Variants in DNAL1 observed in about 807,000 individuals in gnomAD.
DNAL1 encodes the protein chromosome 14 open reading frame 168.
Under a neutral mutation model 29.4 loss-of-function variants are expected in DNAL1, and 17 were observed. The ratio of observed to expected loss-of-function variants is 0.58; its 90% CI spans 0.40 to 0.87. The LOEUF (loss-of-function observed/expected upper bound fraction) is 0.87. Among genes scored for constraint, DNAL1 ranks in the 40% least tolerant of loss-of-function variants. The pLI, the probability that DNAL1 is intolerant of heterozygous loss-of-function variation, is 0.00. For synonymous variants in DNAL1, 78 were observed against 76.3 expected (o/e 1.02, Z -0.12); for missense variants, 188 against 214.1 (o/e 0.88, Z 0.76).
intron 7 of DNAL1, among the ~76,000 whole-genome samples, chr14:73,695,047 GCTT>G (rs1892270439): frequency 1.0e-5 from 1 of 96,694 alleles, no homozygotes; most frequent in East Asian, 2.3e-4. Context: ...GTACTTGTTG[GCTT>G]TTTTTTTTTT....
chr14:73,684,623 A>G (rs1337240177), intron 5 of DNAL1, among the ~76,000 whole-genome samples: 2 of 152,176 alleles, frequency 1.3e-5, no homozygotes, highest in African/African-American at 4.8e-5. Context: ...TCAGCTGGGC[A>G]TGGTGGCTCA....
intron 5 of DNAL1, among the ~76,000 whole-genome samples, chr14:73,679,580 G>C (rs116369086): frequency 6.6e-6 from 1 of 152,250 alleles, no homozygotes; most frequent in African/African-American, 2.4e-5. Context: ...AGTCATGTTA[G>C]TCAGACCCTG....
intron 7 of DNAL1, among the ~76,000 whole-genome samples, chr14:73,692,989 C>T (rs748462073): frequency 1.3e-5 from 2 of 152,202 alleles, no homozygotes; most frequent in African/African-American, 2.4e-5. Flanking sequence ...GCGTCCGCCA[C>T]CACGCCTGGC....
At position 73,661,919 on chromosome 14, in the gene DNAL1, G is replaced by A. The variant is rs1224491615; in HGVS notation, c.153-68G>A. ...AATATTATCTTTTATGGGCACTAGT[G>A]TTAAGGAATAATTTCTGATTTACCA... On this transcript the variant is annotated intron_variant, in intron 3 of 7. Transcript: ENST00000553645. The A allele has an allele frequency of 6.6e-6, 7 of 1,063,230 alleles. No individual in the cohort carries two copies. In the East Asian group the frequency reaches 1.8e-4, roughly 28 times the overall value. 65.9% of individuals were successfully genotyped at this position (1,063,230 alleles called of 1,614,324 possible).
At chr14:73,689,764 G>A (rs1469271779) in intron 7 of DNAL1, among the ~76,000 whole-genome samples, 2 of 151,990 alleles carry the variant, frequency 1.3e-5, no homozygotes, top group African/African-American at 4.8e-5. Context: ...GCCGGGCATG[G>A]GTGGCTCACG....
intron 5 of DNAL1, among the ~76,000 whole-genome samples, chr14:73,680,839 G>T (rs1182542902): frequency 6.6e-6 from 1 of 152,172 alleles, no homozygotes; most frequent in African/African-American, 2.4e-5. Flanking sequence ...ATTGCTCCTA[G>T]GCGACAAACC....
intron 5 of DNAL1, among the ~76,000 whole-genome samples, chr14:73,673,705 A>G (rs1004379536): frequency 3.3e-5 from 5 of 152,070 alleles, no homozygotes; most frequent in Admixed American, 2.6e-4. Context: ...CCTGGGCAAC[A>G]TAGCAAGACT....
At chr14:73,677,809 G>A (rs12434143) in intron 5 of DNAL1, among the ~76,000 whole-genome samples, 33,662 of 149,634 alleles carry the variant, frequency 0.22, 4,908 homozygotes, top group Non-Finnish European at 0.33. Context: ...CGCCCACCTT[G>A]GCCTCCCAAA....
At chr14:73,690,556 G>A (rs937909018) in intron 7 of DNAL1, among the ~76,000 whole-genome samples, 1 of 151,930 alleles carries the variant, frequency 6.6e-6, no homozygotes, top group Non-Finnish European at 1.5e-5. Flanking sequence ...GGAGGCTGAG[G>A]CAGGAGAATC....
intron 2 of DNAL1, 31 bp downstream of exon 2, chr14:73,654,916 A>AACTGT: frequency 6.5e-7 from 1 of 1,540,828 alleles, no homozygotes; most frequent in Non-Finnish European, 8.7e-7. Context: ...TTCTTTTAGA[A>AACTGT]ACTGTACAAG....
intron 5 of DNAL1, among the ~76,000 whole-genome samples, chr14:73,675,798 C>T (rs1165918197): frequency 4.0e-5 from 6 of 151,582 alleles, no homozygotes; most frequent in East Asian, 2.0e-4. Context: ...CAGTGGATCA[C>T]GAGGTCAGGA....
chr14:73,649,578 G>A (rs904154673), intron 1 of DNAL1, among the ~76,000 whole-genome samples: 3 of 152,030 alleles, frequency 2.0e-5, no homozygotes, highest in African/African-American at 4.8e-5. Flanking sequence ...CACCGCGCCC[G>A]GGCTGTTTGA....
chr14:73,654,910 T>C lies in DNAL1; in HGVS notation c.42+25T>C, dbSNP rs535603822. The C allele has an allele frequency of 6.7e-5, 103 of 1,543,880 alleles. 3 individuals are homozygous for C. The South Asian group carries it at 1.1e-3, about 17-fold the overall frequency. ...GGTGAGTACATGAGTTTTTCCTTCT[T>C]TTAGAAACTGTACAAGGAAAAATTT... On this transcript the variant is annotated intron_variant, in intron 2 of 7. Transcript: ENST00000553645.
At chr14:73,654,290 G>T (rs2140026724) in intron 1 of DNAL1, among the ~76,000 whole-genome samples, 1 of 152,276 alleles carries the variant, frequency 6.6e-6, no homozygotes, top group East Asian at 1.9e-4. Flanking sequence ...GGAAGTGTAT[G>T]GGTGTTACAT....
rs1595231616 is a variant in DNAL1 at position 73,697,337 on chromosome 14, C to T, written c.*1395C>T. 1 of 152,142 alleles carries T rather than the reference C, an allele frequency of 6.6e-6. No individual in the cohort carries two copies. Among genetic ancestry groups the T allele is most frequent in the African/African-American group, 2.4e-5 (1 of 41,436 alleles). The allele number at this position is 152,142 out of a possible 1,614,324, so 9.4% of individuals were successfully genotyped here. ...AAGAATCATCTTTAAAAAGTGATTG[C>T]ATAAGTAGTCCTGGGTTTCAGAAGA... On this transcript the variant is annotated 3_prime_UTR_variant, in exon 8 of 8. Transcript: ENST00000553645.
rs1470087115 is a variant in DNAL1, at chr14:73,696,983, A to G, written c.*1041A>G. On this transcript the variant is annotated 3_prime_UTR_variant, in exon 8 of 8. Coordinates refer to ENST00000553645, the MANE Select transcript of DNAL1 (RefSeq NM_031427.4). ...GTGGAGGGAAGGGAGATGTTTCATT[A>G]TGAGATCCCAGGCAAATGGCAATAT... 1 of 152,220 alleles carries G rather than the reference A, an allele frequency of 6.6e-6. No homozygotes were observed. The highest frequency in any genetic ancestry group is 2.4e-5 in the African/African-American group (1 of 41,452). 9.4% of individuals were successfully genotyped at this position (152,220 alleles called of 1,614,324 possible).
intron 1 of DNAL1, among the ~76,000 whole-genome samples, chr14:73,646,675 T>A (rs2140019596): frequency 6.6e-6 from 1 of 152,224 alleles, no homozygotes; most frequent in Non-Finnish European, 1.5e-5. Flanking sequence ...GGCATGAGAA[T>A]CTCTTGAACC....
chr14:73,690,518 G>T (rs1892146126), intron 7 of DNAL1, among the ~76,000 whole-genome samples: 1 of 152,194 alleles, frequency 6.6e-6, no homozygotes, highest in East Asian at 1.9e-4. Flanking sequence ...CGGATGTGGT[G>T]GTGCATGCCT....
chr14:73,693,264 C>A (rs925838024), intron 7 of DNAL1, among the ~76,000 whole-genome samples: 1 of 138,744 alleles, frequency 7.2e-6, no homozygotes, highest in African/African-American at 2.6e-5. Context: ...GGGAAATTGG[C>A]GTTATCTACA....
Sources: allele counts gnomAD v4.1 joint callset (sites outside exome capture counted in the v4.1 genomes callset), GRCh38; gene constraint gnomAD v4.1.1; transcripts MANE v1.5; gene names NCBI Gene and HGNC (gene_info 2026-07-23, HGNC 2026-07-21).